Variants in ASAP1 observed in about 807,000 individuals in gnomAD.
The protein encoded by ASAP1 is arf-GAP with SH3 domain, ANK repeat and PH domain-containing protein 1.
Under a neutral mutation model 145.2 loss-of-function variants are expected in ASAP1, and 43 were observed. The ratio of observed to expected loss-of-function variants is 0.30; its 90% confidence interval spans 0.23 to 0.38. The LOEUF (loss-of-function observed/expected upper bound fraction) is 0.38. Ranked by LOEUF, ASAP1 falls within the 10% of genes least tolerant of loss-of-function variation. The pLI, the probability that ASAP1 is intolerant of heterozygous loss-of-function variation, is 1.00. For missense variants in ASAP1, 1,018 were observed against 1,355.3 expected (o/e 0.75, Z 3.91); for synonymous variants, 546 against 515.5 (o/e 1.06, Z -0.80).
intron 3 of ASAP1, among the ~76,000 whole-genome samples, chr8:130,309,419 G>A (rs1046929129): frequency 1.4e-4 from 21 of 152,346 alleles, no homozygotes; most frequent in African/African-American, 4.6e-4. Context: ...CTTAGACTAA[G>A]TCCTCAACAA....
At chr8:130,056,658 T>A (rs186550138) in intron 29 of ASAP1, among the ~76,000 whole-genome samples, 40 of 152,334 alleles carry the variant, frequency 2.6e-4, no homozygotes, top group Admixed American at 1.7e-3. Context: ...AAGGTGAATG[T>A]GTGCCCATGC....
chr8:130,431,592 T>C (rs1295298459), intron 1 of ASAP1, among the ~76,000 whole-genome samples: 1 of 152,132 alleles, frequency 6.6e-6, no homozygotes, highest in Non-Finnish European at 1.5e-5. Flanking sequence ...TTACACCTTG[T>C]AACAAGTCTT....
chr8:130,307,109 A>G (rs1823040737), intron 3 of ASAP1, among the ~76,000 whole-genome samples: 1 of 152,162 alleles, frequency 6.6e-6, no homozygotes, highest in African/African-American at 2.4e-5. Flanking sequence ...TGTTCTCCAT[A>G]AAAGTTATCA....
At chr8:130,369,238 T>C (rs1007544911) in intron 2 of ASAP1, among the ~76,000 whole-genome samples, 7 of 152,224 alleles carry the variant, frequency 4.6e-5, no homozygotes, top group African/African-American at 1.7e-4. Context: ...ATGAGACACC[T>C]TGGGGATGGA....
intron 3 of ASAP1, among the ~76,000 whole-genome samples, chr8:130,320,376 C>T (rs1473895855): frequency 2.0e-5 from 3 of 151,988 alleles, no homozygotes. Flanking sequence ...AGCGACATGA[C>T]AAAACCCCAT....
At chr8:130,281,921 C>A (rs1055670963) in intron 3 of ASAP1, among the ~76,000 whole-genome samples, 1 of 151,958 alleles carries the variant, frequency 6.6e-6, no homozygotes, top group Admixed American at 6.6e-5. Context: ...AAAAAGTTAG[C>A]GGGGCAAGGT....
chr8:130,074,448 C>CAT (rs2097457381), intron 27 of ASAP1, among the ~76,000 whole-genome samples: 1 of 128,382 alleles, frequency 7.8e-6, no homozygotes, highest in East Asian at 2.7e-4. Context: ...TAAACACACA[C>CAT]ACACACACAC....
intron 1 of ASAP1, among the ~76,000 whole-genome samples, chr8:130,419,117 G>T (rs1245652558): frequency 6.6e-6 from 1 of 152,192 alleles, no homozygotes; most frequent in Non-Finnish European, 1.5e-5. Flanking sequence ...ACCCCAGCCA[G>T]TGTGTGGTGG....
chr8:130,136,969 A>AT lies in ASAP1; in HGVS notation c.1149dup (p.Ser384IlefsTer3), dbSNP rs1486733426. ...GACTCACGTGATATCAGGTCAAAAG[A>AT]TTTTTTGTCTTCGGCATTAGGTTTT... On this transcript the variant is annotated frameshift_variant, in exon 14 of 30. Coordinates refer to ENST00000518721, the MANE Select transcript of ASAP1 (RefSeq NM_018482.4). LOFTEE classifies it high-confidence loss of function. 2 of 1,614,210 alleles carry AT rather than the reference A, an allele frequency of 1.2e-6. No individual in the cohort carries two copies. Among genetic ancestry groups the AT allele is most frequent in the Non-Finnish European group, 8.5e-7 (1 of 1,180,030 alleles).
intron 1 of ASAP1, among the ~76,000 whole-genome samples, chr8:130,418,776 G>GT (rs11340723): frequency 2.7e-5 from 4 of 146,994 alleles, no homozygotes; most frequent in Admixed American, 1.3e-4. Flanking sequence ...AAAAATAGGA[G>GT]TTTTTTTTTT....
chr8:130,332,645 T>C (rs1011232324), intron 3 of ASAP1, among the ~76,000 whole-genome samples: 1 of 152,230 alleles, frequency 6.6e-6, no homozygotes, highest in African/African-American at 2.4e-5. Context: ...TTTTCCCTCT[T>C]CTGAATGGCT....
At chr8:130,070,923 GAGGGGGAGAGAGA>G (rs1407945198) in intron 27 of ASAP1, among the ~76,000 whole-genome samples, 3 of 34,902 alleles carry the variant, frequency 8.6e-5, no homozygotes, top group African/African-American at 4.8e-4. Flanking sequence ...GGGGGAGAGA[GAGGGGGAGAGAGA>G]GGGGGAGAGA....
chr8:130,151,309 T>G (rs2097645684), intron 13 of ASAP1, among the ~76,000 whole-genome samples: 1 of 131,854 alleles, frequency 7.6e-6, no homozygotes, highest in African/African-American at 2.9e-5. Context: ...AGATGGAGGT[T>G]ACAGTGAGCC....
chr8:130,060,652 G>A lies in ASAP1; in HGVS notation c.3119C>T (p.Ala1040Val). 6.2e-7 allele frequency: 1 copy of A among 1,614,172 alleles called. No individual in the cohort carries two copies. Among genetic ancestry groups the A allele is most frequent in the Admixed American group, 1.7e-5 (1 of 60,020 alleles). The stretch of plus-strand genomic sequence containing the variant: ...CGTGAGGTCGTTGGAGTCTTCAGAT[G>A]CTTGCTTTTGGATGGCGTCTCTGGA... ...VQSRDAIQKQASEDSNDLTPT... is the reference protein window; with the variant it reads ...VQSRDAIQKQVSEDSNDLTPT... Residue 1040 changes from alanine (A) to valine (V), a missense_variant, in exon 28 of 30, where the codon GCA becomes GTA. Ala to Val is a moderately conservative substitution (Grantham distance 64). Transcript: ENST00000518721.
chr8:130,239,925 T>C (rs1818426214), intron 3 of ASAP1, among the ~76,000 whole-genome samples: 1 of 152,122 alleles, frequency 6.6e-6, no homozygotes, highest in South Asian at 2.1e-4. Context: ...AAGTCCAAGT[T>C]TCCCCTGAAT....
In ASAP1 at chr8:130,160,730, T is replaced by C. The variant is rs561543950; in HGVS notation, c.910-766A>G. On this transcript the variant is annotated intron_variant, in intron 11 of 29. Transcript: ENST00000518721. ...AACGTTGAACTGCAGAACGAGAACA[T>C]GGTCTTTAGACATACAAGTAGGACA... 1.1e-5 allele frequency: 12 copies of C among 1,138,308 alleles called. No homozygotes were observed. The African/African-American group carries it at 1.6e-4, about 16-fold the overall frequency. 70.5% of individuals were successfully genotyped at this position (1,138,308 alleles called of 1,614,324 possible).
intron 27 of ASAP1, among the ~76,000 whole-genome samples, chr8:130,070,988 A>G (rs1592733112): frequency 3.8e-5 from 1 of 26,650 alleles, no homozygotes; most frequent in African/African-American, 1.9e-4. Flanking sequence ...AGGGGGGGAG[A>G]GAGAGAGAGA....
At chr8:130,063,827 C>A (rs893072096) in intron 27 of ASAP1, among the ~76,000 whole-genome samples, 4 of 152,170 alleles carry the variant, frequency 2.6e-5, no homozygotes, top group African/African-American at 9.7e-5. Flanking sequence ...CCCTTTCAGG[C>A]ACTTGGGACA....
At chr8:130,103,374 T>C (rs2097531973) in intron 24 of ASAP1, among the ~76,000 whole-genome samples, 1 of 152,160 alleles carries the variant, frequency 6.6e-6, no homozygotes, top group African/African-American at 2.4e-5. Context: ...CTTTTCTGTA[T>C]TGTCTTTTCA....
Sources: gnomAD v4.1 joint callset for allele counts (sites outside exome capture counted in the v4.1 genomes callset) on GRCh38, gnomAD v4.1.1 for gene constraint, MANE v1.5 for transcripts, NCBI Gene and HGNC (gene_info 2026-07-23, HGNC 2026-07-21) for gene names.